TNS3: variants seen among roughly 807,000 people sequenced by gnomAD.
The protein encoded by TNS3 is tensin 3, also known as tensin-3.
Under a neutral mutation model 140.9 loss-of-function variants are expected in TNS3, and 45 were observed. That is an observed-to-expected ratio of 0.32 (90% CI 0.25 to 0.41). The LOEUF (loss-of-function observed/expected upper bound fraction) is 0.41. Ranked by LOEUF, TNS3 falls within the 10% of genes least tolerant of loss-of-function variation. TNS3 has a pLI of 1.00. For synonymous variants in TNS3, 815 were observed against 788.4 expected (o/e 1.03, Z -0.56); for missense variants, 1,716 against 1,906.7 (o/e 0.90, Z 1.86).
intron 4 of TNS3, among the ~76,000 whole-genome samples, chr7:47,475,371 A>C (rs923062295): frequency 5.2e-5 from 8 of 152,382 alleles, no homozygotes; most frequent in Non-Finnish European, 8.8e-5. Flanking sequence ...AAGCAAGAAC[A>C]ATCACAGCGT....
chr7:47,526,009 T>C (rs1186627089), intron 2 of TNS3, among the ~76,000 whole-genome samples: 9 of 152,104 alleles, frequency 5.9e-5, no homozygotes, highest in Admixed American at 5.9e-4. Context: ...ACCAAGACAA[T>C]GATCCTCCAG....
At chr7:47,341,007 G>C (rs767860478) in intron 20 of TNS3, among the ~76,000 whole-genome samples, 2 of 152,126 alleles carry the variant, frequency 1.3e-5, no homozygotes, top group Admixed American at 6.5e-5. Flanking sequence ...ATATAGTCGT[G>C]AGCTTTTTCT....
At chr7:47,306,307 T>C (rs1172012393) in intron 20 of TNS3, among the ~76,000 whole-genome samples, 1 of 152,084 alleles carries the variant, frequency 6.6e-6, no homozygotes, top group Non-Finnish European at 1.5e-5. Flanking sequence ...TCAACTAAAT[T>C]ACCTCCACAT....
intron 1 of TNS3, among the ~76,000 whole-genome samples, chr7:47,533,197 A>G (rs1333993393): frequency 7.5e-6 from 1 of 134,036 alleles, no homozygotes; most frequent in African/African-American, 2.9e-5. Context: ...CAGTGGCGCA[A>G]TCTTGGCTCA....
At chr7:47,438,060 T>C (rs1795278683) in intron 6 of TNS3, among the ~76,000 whole-genome samples, 1 of 150,682 alleles carries the variant, frequency 6.6e-6, no homozygotes, top group African/African-American at 2.4e-5. Context: ...ATAATAATAA[T>C]AATAATAATA....
At chr7:47,573,132 C>G (rs887329893) in intron 1 of TNS3, among the ~76,000 whole-genome samples, 1 of 152,202 alleles carries the variant, frequency 6.6e-6, no homozygotes, top group Non-Finnish European at 1.5e-5. Flanking sequence ...GTCCTTCCCT[C>G]GGAAAGAGAC....
chr7:47,450,291 T>C (rs1449851068), intron 4 of TNS3, among the ~76,000 whole-genome samples: 2 of 152,224 alleles, frequency 1.3e-5, no homozygotes, highest in Non-Finnish European at 2.9e-5. Context: ...AGCAGTGACA[T>C]CTGCTCCTTC....
At chr7:47,284,311 A>G (rs1785298944) in intron 27 of TNS3, among the ~76,000 whole-genome samples, 1 of 152,200 alleles carries the variant, frequency 6.6e-6, no homozygotes, top group African/African-American at 2.4e-5. Flanking sequence ...AGAAACAACC[A>G]TGAGGGAAGC....
chr7:47,556,861 C>G (rs1218002441), intron 1 of TNS3, among the ~76,000 whole-genome samples: 1 of 152,220 alleles, frequency 6.6e-6, no homozygotes, highest in Admixed American at 6.5e-5. Flanking sequence ...GTGAGCATGG[C>G]ATGCAAGGAA....
At chr7:47,485,271 A>C (rs1277784598) in intron 3 of TNS3, among the ~76,000 whole-genome samples, 1 of 152,224 alleles carries the variant, frequency 6.6e-6, no homozygotes, top group Non-Finnish European at 1.5e-5. Context: ...CGGCTCATCC[A>C]ATGTGTGGAC....
At chr7:47,544,829 C>G (rs752860243) in intron 1 of TNS3, among the ~76,000 whole-genome samples, 1 of 151,984 alleles carries the variant, frequency 6.6e-6, no homozygotes. Context: ...AAAATGAGAA[C>G]ATAGGAAACT....
At chr7:47,410,881 T>A (rs745704632) in intron 13 of TNS3, among the ~76,000 whole-genome samples, 2 of 152,200 alleles carry the variant, frequency 1.3e-5, no homozygotes. Flanking sequence ...ATTTTAAATG[T>A]ATGAATTGTT....
intron 1 of TNS3, among the ~76,000 whole-genome samples, chr7:47,576,340 G>A (rs1361286090): frequency 6.6e-6 from 1 of 152,082 alleles, no homozygotes; most frequent in Admixed American, 6.5e-5. Flanking sequence ...ACCAGTGGAG[G>A]AGCAAACCTG....
At chr7:47,533,719 C>T (rs1481067162) in intron 1 of TNS3, among the ~76,000 whole-genome samples, 1 of 152,056 alleles carries the variant, frequency 6.6e-6, no homozygotes, top group African/African-American at 2.4e-5. Flanking sequence ...ATCATGGCGG[C>T]AGGTCTTTCC....
intron 3 of TNS3, 175 bp from the exon 4 acceptor site, chr7:47,481,316 T>C (rs1345854502): frequency 4.7e-6 from 2 of 425,282 alleles, no homozygotes; most frequent in Non-Finnish European, 8.1e-6. Context: ...CAGGGTTTTG[T>C]TCACTTTTGG....
At chr7:47,467,367 G>A (rs530782387) in intron 4 of TNS3, among the ~76,000 whole-genome samples, 4 of 152,318 alleles carry the variant, frequency 2.6e-5, no homozygotes, top group African/African-American at 7.2e-5. Context: ...CTTTCTCTAC[G>A]ATTGAGTCTC....
chr7:47,558,122 A>G (rs1310581058), intron 1 of TNS3, among the ~76,000 whole-genome samples: 1 of 152,122 alleles, frequency 6.6e-6, no homozygotes, highest in Non-Finnish European at 1.5e-5. Flanking sequence ...TGACGCCTGT[A>G]TACAGGACAC....
intron 1 of TNS3, among the ~76,000 whole-genome samples, chr7:47,531,231 C>T (rs1407985529): frequency 6.6e-6 from 1 of 151,928 alleles, no homozygotes; most frequent in Non-Finnish European, 1.5e-5. Flanking sequence ...ATATAATAAA[C>T]CTGCACATGT....
intron 8 of TNS3, among the ~76,000 whole-genome samples, chr7:47,429,694 A>C (rs1178626567): frequency 6.6e-6 from 1 of 152,164 alleles, no homozygotes; most frequent in Non-Finnish European, 1.5e-5. Flanking sequence ...TGTTTTTAAA[A>C]ATATTTGCCA....
Sources: gnomAD v4.1 joint callset for allele counts (sites outside exome capture counted in the v4.1 genomes callset) on GRCh38, gnomAD v4.1.1 for gene constraint, MANE v1.5 for transcripts, NCBI Gene and HGNC (gene_info 2026-07-23, HGNC 2026-07-21) for gene names.